MECOM: variants seen among roughly 807,000 people sequenced by gnomAD.
MECOM encodes the protein histone-lysine N-methyltransferase MECOM.
A neutral mutation model predicts 116.3 loss-of-function variants in MECOM; 13 were observed. The ratio of observed to expected loss-of-function variants is 0.11; its 90% confidence interval spans 0.07 to 0.18. The LOEUF is 0.18. Among genes scored for constraint, MECOM ranks in the 10% least tolerant of loss-of-function variants. The pLI, the probability that MECOM is intolerant of heterozygous loss-of-function variation, is 1.00. For synonymous variants in MECOM, 528 were observed against 535.2 expected (o/e 0.99, Z 0.19); for missense variants, 1,299 against 1,509.0 (o/e 0.86, Z 2.31).
intron 1 of MECOM, among the ~76,000 whole-genome samples, chr3:169,537,210 CTG>C (rs1312462470): frequency 6.6e-6 from 1 of 152,188 alleles, no homozygotes; most frequent in African/African-American, 2.4e-5. Context: ...TCTGGAATGA[CTG>C]TATGATTCCA....
rs1210594942 is a variant in MECOM at position 169,583,022 on chromosome 3, T to C, written c.37+80314A>G. On this transcript the variant is annotated intron_variant, in intron 1 of 16. Coordinates refer to ENST00000651503, the MANE Select transcript of MECOM (RefSeq NM_004991.4). ...ACAAATGAATAAAGGAAAGGTTACATGGCACAGAGGAAATTGTACAAGAGG... is the reference window on the plus strand; with the variant it reads ...ACAAATGAATAAAGGAAAGGTTACACGGCACAGAGGAAATTGTACAAGAGG... Among the ~76,000 whole-genome samples, 12 of 152,346 alleles carry C rather than the reference T, an allele frequency of 7.9e-5. No individual in the cohort carries two copies. In the East Asian group the frequency reaches 2.3e-3, roughly 29 times the overall value.
At chr3:169,167,607 A>T (rs1743788453) in intron 2 of MECOM, among the ~76,000 whole-genome samples, 1 of 152,212 alleles carries the variant, frequency 6.6e-6, no homozygotes, top group Non-Finnish European at 1.5e-5. Context: ...GCTTTTCACC[A>T]TAACCACCAT....
chr3:169,198,847 C>T (rs773495299), intron 2 of MECOM, among the ~76,000 whole-genome samples: 70 of 151,698 alleles, frequency 4.6e-4, no homozygotes, highest in African/African-American at 7.0e-4. Flanking sequence ...TAGTGTGCTA[C>T]GGTAACAAAT....
chr3:169,582,006 AG>A (rs1192230821), intron 1 of MECOM, among the ~76,000 whole-genome samples: 1 of 152,238 alleles, frequency 6.6e-6, no homozygotes, highest in East Asian at 1.9e-4. Flanking sequence ...GATGGGTTGA[AG>A]GGAATAGACT....
rs149354842 is a variant in MECOM at position 169,652,773 on chromosome 3, T to G, written c.37+10563A>C. Among the ~76,000 whole-genome samples the G allele has an allele frequency of 5.2e-3, 795 of 152,310 alleles. 6 individuals carry two copies. Among genetic ancestry groups the G allele is most frequent in the African/African-American group, 0.018 (755 of 41,560 alleles). ...TTAATCATAAAAGTGCATTTAAATA[T>G]ACAGCAAAATGCTTGACACCATGCT... On this transcript the variant is annotated intron_variant, in intron 1 of 16. Transcript: ENST00000651503.
Position 169,131,533 on chromosome 3 carries a change from T to C in MECOM, c.511-2A>G. The C allele has an allele frequency of 6.2e-7, 1 of 1,607,994 alleles. No individual in the cohort carries two copies. The highest frequency in any genetic ancestry group is 8.5e-7 in the Non-Finnish European group (1 of 1,176,576). On this transcript the variant is annotated splice_acceptor_variant, in intron 3 of 16. Transcript: ENST00000651503. LOFTEE classifies it high-confidence loss of function. ...GTCTGCAACTACTCTATAGAATATC[T>C]TTAAAGACAAAATAAAGGTGGATGG...
intron 2 of MECOM, chr3:169,149,336 CA>C (rs1434389858): frequency 2.9e-5 from 5 of 170,742 alleles, no homozygotes; most frequent in Non-Finnish European, 6.3e-5. Flanking sequence ...GGTAGGAAAA[CA>C]AAAGGTCGTC....
intron 1 of MECOM, among the ~76,000 whole-genome samples, chr3:169,541,751 A>T (rs771049725): frequency 7.3e-5 from 11 of 150,450 alleles, no homozygotes; most frequent in Admixed American, 1.3e-4. Flanking sequence ...CCTGGCCAGC[A>T]CACCTCTTAT....
intron 1 of MECOM, among the ~76,000 whole-genome samples, chr3:169,499,153 C>T (rs1400331579): frequency 1.3e-5 from 2 of 151,056 alleles, no homozygotes; most frequent in Non-Finnish European, 3.0e-5. Flanking sequence ...AAGGAAAGGA[C>T]AGAAGAGATA....
chr3:169,467,548 T>C (rs1748495146), intron 1 of MECOM, among the ~76,000 whole-genome samples: 1 of 152,152 alleles, frequency 6.6e-6, no homozygotes, highest in African/African-American at 2.4e-5. Flanking sequence ...TTTAAGTGTG[T>C]TTTTATATAC....
At chr3:169,643,086 T>G in intron 1 of MECOM, among the ~76,000 whole-genome samples, 1 of 152,214 alleles carries the variant, frequency 6.6e-6, no homozygotes, top group East Asian at 1.9e-4. Context: ...TCAATTAAAT[T>G]TAGCCTTTCT....
Position 169,084,416 on chromosome 3 carries a change from T to C in MECOM, c.*493A>G. The stretch of plus-strand genomic sequence containing the variant: ...TGACTGTGCATTTCATCCAACTACT[T>C]CTGTCTTCAAAGGGTTAAATTACAT... On this transcript the variant is annotated 3_prime_UTR_variant, in exon 17 of 17. Coordinates refer to ENST00000651503, the MANE Select transcript of MECOM (RefSeq NM_004991.4). 1 of 232,616 alleles carries C rather than the reference T, an allele frequency of 4.3e-6. No individual in the cohort carries two copies. The allele number at this position is 232,616 out of a possible 1,614,324, so 14.4% of individuals were successfully genotyped here.
intron 2 of MECOM, among the ~76,000 whole-genome samples, chr3:169,240,490 A>C (rs1053067231): frequency 1.3e-5 from 2 of 152,336 alleles, no homozygotes; most frequent in Admixed American, 6.5e-5. Context: ...CTAAAATCTA[A>C]ATTAAGTTGT....
intron 12 of MECOM, 78 bp from the exon 13 acceptor site, chr3:169,095,323 A>G (rs2148891909): frequency 8.1e-7 from 1 of 1,232,590 alleles, no homozygotes; most frequent in Non-Finnish European, 1.1e-6. Context: ...AGCTATCAAA[A>G]ATCATCTCCA....
chr3:169,178,610 G>A (rs527689937), intron 2 of MECOM, among the ~76,000 whole-genome samples: 1 of 152,258 alleles, frequency 6.6e-6, no homozygotes, highest in East Asian at 1.9e-4. Flanking sequence ...ATGTTCACCA[G>A]CCCCACATAA....
chr3:169,244,252 G>C (rs1755266937), intron 2 of MECOM, among the ~76,000 whole-genome samples: 1 of 152,192 alleles, frequency 6.6e-6, no homozygotes, highest in Non-Finnish European at 1.5e-5. Context: ...ACATTTCACA[G>C]CTCTGGAGTA....
chr3:169,097,761 T>G (rs989130217), intron 12 of MECOM, among the ~76,000 whole-genome samples: 2 of 138,480 alleles, frequency 1.4e-5, no homozygotes, highest in African/African-American at 2.7e-5. Flanking sequence ...GGAGAACTGC[T>G]TGAAGCCAGG....
chr3:169,630,049 T>TGGGCA (rs1451680726), intron 1 of MECOM, among the ~76,000 whole-genome samples: 1 of 152,142 alleles, frequency 6.6e-6, no homozygotes, highest in Non-Finnish European at 1.5e-5. Flanking sequence ...CCCAGCATGA[T>TGGGCA]GGGCAGATGG....
chr3:169,619,497 C>G (rs924503698), intron 1 of MECOM, among the ~76,000 whole-genome samples: 10 of 152,318 alleles, frequency 6.6e-5, no homozygotes, highest in African/African-American at 1.9e-4. Context: ...TCTCCCCTCA[C>G]TGTCTCTTTC....
Sources: allele counts gnomAD v4.1 joint callset (sites outside exome capture counted in the v4.1 genomes callset), GRCh38; gene constraint gnomAD v4.1.1; transcripts MANE v1.5; gene names NCBI Gene and HGNC (gene_info 2026-07-23, HGNC 2026-07-21).